Variants in ODAD4 observed in about 807,000 individuals in gnomAD.
ODAD4 encodes outer dynein arm docking complex subunit 4.
A neutral mutation model predicts 51.8 loss-of-function variants in ODAD4; 49 were observed. The observed-to-expected ratio is 0.95, with a 90% CI of 0.75 to 1.20. The LOEUF (loss-of-function observed/expected upper bound fraction) is 1.20. ODAD4 is among the 50% of genes most tolerant of loss of function. The probability of loss-of-function intolerance (pLI) is 0.00; values close to 1 mark genes in which losing one functional copy is unlikely to be tolerated. For synonymous variants in ODAD4, 235 were observed against 221.3 expected (o/e 1.06, Z -0.55); for missense variants, 590 against 586.5 (o/e 1.01, Z -0.06).
chr17:41,930,881 C>CTTTTTTTTTTTTTTT (rs782820445), intron 1 of ODAD4, 44 bp downstream of exon 1: 8 of 97,234 alleles, frequency 8.2e-5, no homozygotes, highest in African/African-American at 1.6e-4. Flanking sequence ...TCACCCGTCA[C>CTTTTTTTTTTTTTTT]TTTTTTTTTT....
intron 3 of ODAD4, 42 bp from the exon 4 acceptor site, chr17:41,936,430 TG>T (rs782672764): frequency 6.9e-6 from 10 of 1,449,228 alleles, no homozygotes; most frequent in East Asian, 2.3e-5. Flanking sequence ...AAGTCATGCC[TG>T]GGGGGTCTGG....
At chr17:41,954,132 C>T (rs553184153) in intron 9 of ODAD4, among the ~76,000 whole-genome samples, 3 of 151,940 alleles carry the variant, frequency 2.0e-5, no homozygotes, top group Non-Finnish European at 2.9e-5. Context: ...TTTACAGTCG[C>T]CCGTCACCAT....
chr17:41,954,425 G>C (rs75682304), intron 9 of ODAD4, among the ~76,000 whole-genome samples: 3,783 of 152,226 alleles, frequency 0.025, 72 homozygotes, highest in Middle Eastern at 0.088. Context: ...CTTTTTCTAC[G>C]GGTTCAGATT....
intron 1 of ODAD4, among the ~76,000 whole-genome samples, chr17:41,932,119 G>C: frequency 6.6e-6 from 1 of 151,996 alleles, no homozygotes; most frequent in East Asian, 1.9e-4. Flanking sequence ...GCCCAGGCTG[G>C]AGTGCAGTGG....
At chr17:41,948,801 G>A (rs1173873597) in intron 8 of ODAD4, among the ~76,000 whole-genome samples, 2 of 152,008 alleles carry the variant, frequency 1.3e-5, no homozygotes, top group South Asian at 2.1e-4. Flanking sequence ...CACCATGCCT[G>A]GCTAATTTTT....
chr17:41,944,772 G>T (rs1301696167), intron 7 of ODAD4, among the ~76,000 whole-genome samples: 1 of 151,470 alleles, frequency 6.6e-6, no homozygotes, highest in Non-Finnish European at 1.5e-5. Flanking sequence ...CTGGGCAACA[G>T]AGTGAGACTC....
At chr17:41,943,710 G>T (rs2050538656) in intron 7 of ODAD4, among the ~76,000 whole-genome samples, 1 of 152,164 alleles carries the variant, frequency 6.6e-6, no homozygotes, top group Non-Finnish European at 1.5e-5. Flanking sequence ...CTTAGCTTGG[G>T]CTCAGAGGCC....
chr17:41,932,334 G>C (rs139130833), intron 1 of ODAD4, among the ~76,000 whole-genome samples: 26 of 152,116 alleles, frequency 1.7e-4, no homozygotes, highest in African/African-American at 5.8e-4. Context: ...GCCTCCCAAA[G>C]TGCTGGGATT....
intron 9 of ODAD4, chr17:41,954,943 G>T: frequency 2.0e-6 from 1 of 511,858 alleles, no homozygotes; most frequent in Admixed American, 2.8e-5. Context: ...TATGATGTAT[G>T]CACTAGACTG....
In ODAD4 at chr17:41,938,605, T is replaced by C. The variant is rs1555638186; in HGVS notation, c.674T>C (p.Ile225Thr). Residue 225 changes from isoleucine (I) to threonine (T), a missense_variant, in exon 6 of 12, where the codon ATC (isoleucine) becomes ACC (threonine). Coordinates refer to ENST00000377540, the MANE Select transcript of ODAD4 (RefSeq NM_031421.5). ...MKGGLTVEDL[I>T]MTGINYLDTH... is the part of the protein sequence containing the mutation. ...GGCGGCCTGACTGTGGAGGACCTCATCATGACGGGCATCAACTACCTGGAT... is the reference window on the plus strand; with the variant it reads ...GGCGGCCTGACTGTGGAGGACCTCACCATGACGGGCATCAACTACCTGGAT... The C allele has an allele frequency of 6.2e-7, 1 of 1,613,868 alleles. No homozygotes were observed. Among genetic ancestry groups the C allele is most frequent in the Non-Finnish European group, 8.5e-7 (1 of 1,179,874 alleles).
At chr17:41,936,675 G>A (rs2050432488) in intron 4 of ODAD4, 87 bp from the exon 5 acceptor site, 1 of 1,560,132 alleles carries the variant, frequency 6.4e-7, no homozygotes, top group African/African-American at 1.4e-5. Flanking sequence ...GGAGTTGGAG[G>A]AATCTGGGAT....
In ODAD4 at chr17:41,938,426, C is replaced by T. The variant is rs868988491; in HGVS notation, c.626-131C>T. On this transcript the variant is annotated intron_variant, in intron 5 of 11. Transcript: ENST00000377540. ...CTCTGCCACTATGCGCACTCACACTCCTCTCTGTTTCAACAACTCCAAGCA... is the reference window on the plus strand; with the variant it reads ...CTCTGCCACTATGCGCACTCACACTTCTCTCTGTTTCAACAACTCCAAGCA... 1.2e-4 allele frequency: 88 copies of T among 719,850 alleles called. No homozygotes were observed. The African/African-American group carries it at 1.5e-3, about 12-fold the overall frequency. The allele number at this position is 719,850 out of a possible 1,614,324, so 44.6% of individuals were successfully genotyped here.
At chr17:41,962,710 G>A (rs1555641935) in intron 11 of ODAD4, among the ~76,000 whole-genome samples, 2 of 152,124 alleles carry the variant, frequency 1.3e-5, no homozygotes, top group Non-Finnish European at 2.9e-5. Context: ...CCCACGCGTC[G>A]GCCCGTGCCA....
At position 41,933,957 on chromosome 17, in the gene ODAD4, T is replaced by G. The variant is rs557794375; in HGVS notation, c.115-1260T>G. Among the ~76,000 whole-genome samples the G allele has an allele frequency of 2.6e-5, 4 of 151,452 alleles. No individual in the cohort carries two copies. The East Asian group carries it at 7.7e-4, about 29-fold the overall frequency. On this transcript the variant is annotated intron_variant, in intron 1 of 11. Coordinates refer to ENST00000377540, the MANE Select transcript of ODAD4 (RefSeq NM_031421.5). ...CCCCACTTTAGGGTCAAAATCAGTT[T>G]CATTTTCCTAGCATTTTCTTTTTTT...
At chr17:41,937,725 G>C (rs782570978) in intron 5 of ODAD4, among the ~76,000 whole-genome samples, 1 of 152,002 alleles carries the variant, frequency 6.6e-6, no homozygotes, top group Non-Finnish European at 1.5e-5. Context: ...GCCCACCTCG[G>C]CCTCCCAAAG....
intron 5 of ODAD4, 23 bp from the exon 6 acceptor site, chr17:41,938,534 C>T: frequency 6.2e-7 from 1 of 1,605,190 alleles, no homozygotes; most frequent in Non-Finnish European, 8.5e-7. Flanking sequence ...TCCTTGGCGC[C>T]TCCTCACACC....
At chr17:41,955,374 C>T in intron 10 of ODAD4, 57 bp downstream of exon 10, 1 of 723,534 alleles carries the variant, frequency 1.4e-6, no homozygotes, top group Non-Finnish European at 2.6e-6. Flanking sequence ...GGTGGTCAGG[C>T]CTTCAGTTCC....
intron 11 of ODAD4, among the ~76,000 whole-genome samples, chr17:41,964,104 AG>A (rs1407933448): frequency 6.8e-6 from 1 of 146,616 alleles, no homozygotes; most frequent in Non-Finnish European, 1.5e-5. Context: ...CTTGTTGCCC[AG>A]GCTGGAGTAC....
At position 41,938,726 on chromosome 17, in the gene ODAD4, C is replaced by A. The variant is rs1207617992; in HGVS notation, c.795C>A (p.Arg265=). The change falls in exon 6 of 12, where the codon CGC becomes CGA. Residue 265 remains arginine, a synonymous_variant. Transcript: ENST00000377540. Reference sequence around the variant, plus strand: ...AGAAATGGCTGCGGGACCACAAACGCCGTCCCTCACAGACAGCCCATTACA... The same window carrying A: ...AGAAATGGCTGCGGGACCACAAACGACGTCCCTCACAGACAGCCCATTACA... The part of the protein sequence containing the change: ...MQEKWLRDHK[R]RPSQTAHYIL... The A allele has an allele frequency of 6.2e-7, 1 of 1,613,688 alleles. No individual in the cohort carries two copies. The highest frequency in any genetic ancestry group is 1.3e-5 in the African/African-American group (1 of 74,922).
Sources: allele counts gnomAD v4.1 joint callset (sites outside exome capture counted in the v4.1 genomes callset), GRCh38; gene constraint gnomAD v4.1.1; transcripts MANE v1.5; gene names NCBI Gene and HGNC (gene_info 2026-07-23, HGNC 2026-07-21).